The following UMAD1 variants were observed in gnomAD, a reference collection of about 807,000 sequenced individuals.
UMAD1 encodes the protein UBAP1-MVB12-associated (UMA)-domain containing protein 1.
UMAD1 carries 8 observed loss-of-function variants against 6.1 expected under a neutral mutation model. The observed-to-expected ratio is 1.30, with a 90% CI of 0.76 to 2.35. UMAD1 has a LOEUF of 2.35. UMAD1 is among the 30% of genes most tolerant of loss of function. The pLI is 0.00. For missense variants in UMAD1, 130 were observed against 78.4 expected (o/e 1.66, Z -2.49); for synonymous variants, 56 against 31.4 (o/e 1.78, Z -2.61).
chr7:7,806,983 G>A lies in UMAD1; in HGVS notation c.156+5240G>A, dbSNP rs1461338915. On this transcript the variant is annotated intron_variant, in intron 3 of 3. Transcript: ENST00000682710. ...TAGTATACCGAAAGAGGTTTCTTTT[G>A]GCAAGTTCAGATAAACATATAGATT... 2.6e-5 allele frequency among the ~76,000 whole-genome samples: 4 copies of A among 152,056 alleles called. 1 individual carries two copies. The highest frequency in any genetic ancestry group is 2.0e-4 in the Admixed American group (3 of 15,258).
chr7:7,820,404 T>G (rs1183801516), intron 3 of UMAD1, among the ~76,000 whole-genome samples: 1 of 152,246 alleles, frequency 6.6e-6, no homozygotes, highest in African/African-American at 2.4e-5. Context: ...ATGCATTGCC[T>G]GGCAGTATCA....
chr7:7,875,125 T>A (rs1314536388), intron 3 of UMAD1, among the ~76,000 whole-genome samples: 1 of 152,114 alleles, frequency 6.6e-6, no homozygotes, highest in Non-Finnish European at 1.5e-5. Flanking sequence ...TTGTCAGCAT[T>A]TATAACCATT....
intron 3 of UMAD1, among the ~76,000 whole-genome samples, chr7:7,811,697 G>A (rs1256194454): frequency 1.3e-5 from 2 of 152,188 alleles, no homozygotes; most frequent in African/African-American, 2.4e-5. Context: ...GAGAAAGGGA[G>A]ATGCGAATCT....
intron 1 of UMAD1, among the ~76,000 whole-genome samples, chr7:7,665,900 G>C (rs1370663468): frequency 6.6e-6 from 1 of 150,618 alleles, no homozygotes; most frequent in African/African-American, 2.4e-5. Flanking sequence ...CGAATGGGAT[G>C]CATATGGCAG....
At chr7:7,672,336 GA>G (rs1451764477) in intron 1 of UMAD1, among the ~76,000 whole-genome samples, 3 of 152,150 alleles carry the variant, frequency 2.0e-5, no homozygotes, top group Non-Finnish European at 2.9e-5. Context: ...GGAATAGTAG[GA>G]AAAGAGGGTT....
chr7:7,783,624 G>A (rs374456137), intron 2 of UMAD1, among the ~76,000 whole-genome samples: 2 of 152,108 alleles, frequency 1.3e-5, no homozygotes, highest in Non-Finnish European at 2.9e-5. Flanking sequence ...GCTTAAAAAC[G>A]AACTATTGGG....
intron 3 of UMAD1, among the ~76,000 whole-genome samples, chr7:7,865,036 G>T (rs1784200590): frequency 6.6e-6 from 1 of 152,130 alleles, no homozygotes; most frequent in Non-Finnish European, 1.5e-5. Context: ...TCCTTCCCCT[G>T]ATCTTGCCCT....
chr7:7,863,770 G>A (rs1379159243), intron 3 of UMAD1, among the ~76,000 whole-genome samples: 1 of 152,142 alleles, frequency 6.6e-6, no homozygotes, highest in Non-Finnish European at 1.5e-5. Flanking sequence ...TAGCTAAGAT[G>A]GACTTGTGCA....
intron 3 of UMAD1, among the ~76,000 whole-genome samples, chr7:7,854,089 C>T (rs890353468): frequency 2.6e-5 from 4 of 152,022 alleles, no homozygotes; most frequent in African/African-American, 2.4e-5. Context: ...GGTGCCATGG[C>T]TCACACCTGT....
chr7:7,675,143 G>A (rs1779707807), intron 2 of UMAD1, among the ~76,000 whole-genome samples: 1 of 152,146 alleles, frequency 6.6e-6, no homozygotes, highest in Non-Finnish European at 1.5e-5. Context: ...GGGATTACAG[G>A]CATGAGCCAC....
At chr7:7,813,568 G>A (rs1287151802) in intron 3 of UMAD1, among the ~76,000 whole-genome samples, 3 of 150,784 alleles carry the variant, frequency 2.0e-5, no homozygotes, top group South Asian at 2.1e-4. Context: ...ACACGTAAGA[G>A]CACAGTGATA....
At chr7:7,872,295 G>A (rs1784345875) in intron 3 of UMAD1, among the ~76,000 whole-genome samples, 1 of 152,092 alleles carries the variant, frequency 6.6e-6, no homozygotes, top group South Asian at 2.1e-4. Context: ...CATCTATTAA[G>A]TGTGCAATAG....
chr7:7,654,802 G>C lies in UMAD1; in HGVS notation c.-64+13981G>C, dbSNP rs187430836. Among the ~76,000 whole-genome samples, 798 of 151,866 alleles carry C rather than the reference G, an allele frequency of 5.3e-3. 2 individuals are homozygous for C. Among genetic ancestry groups the C allele is most frequent in the Non-Finnish European group, 9.1e-3 (616 of 67,958 alleles). On this transcript the variant is annotated intron_variant, in intron 1 of 3. Transcript: ENST00000682710. ...GCCTGTAATCCCAGCTACTCTGGAGGCTGAGGCAGGAGAATCGCTTGAACC... is the reference window on the plus strand; with the variant it reads ...GCCTGTAATCCCAGCTACTCTGGAGCCTGAGGCAGGAGAATCGCTTGAACC...
At chr7:7,705,549 C>T (rs1379523657) in intron 2 of UMAD1, among the ~76,000 whole-genome samples, 2 of 152,132 alleles carry the variant, frequency 1.3e-5, no homozygotes, top group Admixed American at 1.3e-4. Flanking sequence ...GCTCTAAGTA[C>T]TATGCTTGTG....
At chr7:7,739,389 C>G (rs573866842) in intron 2 of UMAD1, among the ~76,000 whole-genome samples, 1 of 152,236 alleles carries the variant, frequency 6.6e-6, no homozygotes, top group South Asian at 2.1e-4. Flanking sequence ...TTACTAACAC[C>G]TGCTCTTTTC....
At chr7:7,798,627 C>T (rs1782734280) in intron 2 of UMAD1, among the ~76,000 whole-genome samples, 1 of 152,178 alleles carries the variant, frequency 6.6e-6, no homozygotes, top group Admixed American at 6.5e-5. Context: ...TTCAGAGCTC[C>T]CTATCAGAGC....
intron 3 of UMAD1, among the ~76,000 whole-genome samples, chr7:7,823,123 T>A (rs12702660): frequency 0.17 from 26,154 of 152,088 alleles, 2,463 homozygotes; most frequent in Non-Finnish European, 0.22. Flanking sequence ...TGGGAAAGTT[T>A]TTATAATTAG....
At chr7:7,658,218 G>A (rs550545370) in intron 1 of UMAD1, among the ~76,000 whole-genome samples, 13 of 152,322 alleles carry the variant, frequency 8.5e-5, no homozygotes, top group Non-Finnish European at 7.4e-5. Context: ...GGGCTGAGAC[G>A]ATGGGGTTTT....
intron 2 of UMAD1, among the ~76,000 whole-genome samples, chr7:7,702,536 A>G (rs998338488): frequency 2.0e-5 from 3 of 152,160 alleles, no homozygotes; most frequent in South Asian, 2.1e-4. Flanking sequence ...TGAAATAGCT[A>G]TTTTCATTTT....
Sources: gnomAD v4.1 joint callset for allele counts (sites outside exome capture counted in the v4.1 genomes callset) on GRCh38, gnomAD v4.1.1 for gene constraint, MANE v1.5 for transcripts, NCBI Gene and HGNC (gene_info 2026-07-23, HGNC 2026-07-21) for gene names.